SHROOM2: variants seen among roughly 807,000 people sequenced by gnomAD.
SHROOM2 encodes protein Shroom2.
SHROOM2 carries 33 observed loss-of-function variants against 75.9 expected under a neutral mutation model. The ratio of observed to expected loss-of-function variants is 0.43; its 90% confidence interval spans 0.33 to 0.58. SHROOM2 has a LOEUF of 0.58. SHROOM2 is among the 20% of genes least tolerant of loss of function. The pLI is 0.04. For synonymous variants in SHROOM2, 655 were observed against 663.6 expected, an observed-to-expected ratio of 0.99 and a Z score of 0.20; for missense variants, 1,434 against 1,461.2, an observed-to-expected ratio of 0.98 and a Z score of 0.30.
chrX:9,884,529 T>A (rs879183136), intron 2 of SHROOM2, among the ~76,000 whole-genome samples: 1 of 107,488 alleles, frequency 9.3e-6, no homozygotes, highest in East Asian at 2.9e-4. Flanking sequence ...AGAGATGGAG[T>A]CTTGCTCTGT....
intron 1 of SHROOM2, among the ~76,000 whole-genome samples, chrX:9,854,946 C>T (rs568827979): frequency 3.4e-4 from 38 of 110,551 alleles, no homozygotes; most frequent in African/African-American, 1.1e-3. Flanking sequence ...GGTGAGTCTG[C>T]GGCAGATGTT....
chrX:9,939,850 A>G (rs1167195631), intron 8 of SHROOM2, among the ~76,000 whole-genome samples: 2 of 111,399 alleles, frequency 1.8e-5, no homozygotes, highest in Non-Finnish European at 3.8e-5. Flanking sequence ...GCAGTGGCAC[A>G]CTCTCAGCTC....
intron 5 of SHROOM2, among the ~76,000 whole-genome samples, chrX:9,915,571 C>T (rs1029443051): frequency 1.3e-4 from 15 of 111,436 alleles, no homozygotes; most frequent in Admixed American, 1.1e-3. Flanking sequence ...AAAATTATTC[C>T]GTTAAAAAAA....
rs149780863 is a variant in SHROOM2, at chrX:9,940,599, A to G, written c.4311+1233A>G. On this transcript the variant is annotated intron_variant, in intron 8 of 9. Transcript: ENST00000380913. ...CAGCTCTCTATGGTGCTGATGACTC[A>G]GCGGTCCTGTTTTCCTGCTTGATTG... 5.2e-3 allele frequency among the ~76,000 whole-genome samples: 587 copies of G among 112,189 alleles called. 10 individuals are homozygous for G. The highest frequency in any genetic ancestry group is 0.018 in the African/African-American group (549 of 30,914).
chrX:9,868,814 A>G (rs2084156467), intron 1 of SHROOM2, among the ~76,000 whole-genome samples: 1 of 96,669 alleles, frequency 1.0e-5, no homozygotes, highest in African/African-American at 3.9e-5. Flanking sequence ...TCCTGGAATC[A>G]AGCGATCCTT....
chrX:9,873,934 TC>T (rs2084184916), intron 2 of SHROOM2, 131 bp downstream of exon 2: 2 of 657,892 alleles, frequency 3.0e-6, no homozygotes, highest in Non-Finnish European at 4.4e-6. Context: ...GAGTTATATG[TC>T]TCGGCCAAGC....
chrX:9,886,267 T>C (rs2147008582), intron 2 of SHROOM2, among the ~76,000 whole-genome samples: 1 of 112,431 alleles, frequency 8.9e-6, no homozygotes, highest in East Asian at 2.8e-4. Context: ...GGAGCCCTCT[T>C]CCATGCCATC....
At chrX:9,828,418 C>G (rs2083899320) in intron 1 of SHROOM2, among the ~76,000 whole-genome samples, 1 of 111,822 alleles carries the variant, frequency 8.9e-6, no homozygotes, top group African/African-American at 3.2e-5. Context: ...TAGACTTTCT[C>G]TTATCCATTC....
At chrX:9,806,294 A>G (rs2083751475) in intron 1 of SHROOM2, among the ~76,000 whole-genome samples, 1 of 110,649 alleles carries the variant, frequency 9.0e-6, no homozygotes, top group Non-Finnish European at 1.9e-5. Flanking sequence ...GGGGCCCATG[A>G]ACATGTTCTA....
chrX:9,817,373 A>G (rs762039400), intron 1 of SHROOM2, among the ~76,000 whole-genome samples: 2 of 110,318 alleles, frequency 1.8e-5, no homozygotes, highest in Non-Finnish European at 3.8e-5. Flanking sequence ...TAGGTTTACT[A>G]GTAAGTGCAC....
intron 5 of SHROOM2, among the ~76,000 whole-genome samples, chrX:9,901,383 A>G (rs779801175): frequency 8.9e-6 from 1 of 112,048 alleles, no homozygotes; most frequent in South Asian, 3.7e-4. Context: ...CTGCTTCTCC[A>G]TTCTACCTTT....
In SHROOM2 at chrX:9,939,319, G is replaced by A. The variant is rs754474795; in HGVS notation, c.4264G>A (p.Glu1422Lys). Residue 1422 changes from glutamate to lysine, a missense_variant, in exon 8 of 10, where the codon GAA (glutamate) becomes AAA (lysine). By Grantham distance (56) the Glu-to-Lys change is moderately conservative. Around this residue, in one of 3 missense-constraint regions of SHROOM2, gnomAD observed 1,340 missense variants for 1,338.3 expected, o/e 1.00. Coordinates refer to ENST00000380913, the MANE Select transcript of SHROOM2 (RefSeq NM_001649.4). ...MKDLQEQQEH[E>K]EDSGSDLDHD... ...GGACCTGCAGGAGCAGCAGGAGCAC[G>A]AAGAGGATTCGGGAAGCGACTTGGA... The A allele has an allele frequency of 2.6e-5, 32 of 1,209,062 alleles. No homozygotes were observed. The highest frequency in any genetic ancestry group is 5.3e-5 in the South Asian group (3 of 56,404).
At chrX:9,799,000 C>G (rs1192746526) in intron 1 of SHROOM2, among the ~76,000 whole-genome samples, 2 of 110,700 alleles carry the variant, frequency 1.8e-5, no homozygotes, top group African/African-American at 6.6e-5. Context: ...TCCACTCCCC[C>G]TCCTCATTTT....
intron 6 of SHROOM2, 105 bp downstream of exon 6, chrX:9,932,975 A>C: frequency 4.5e-5 from 29 of 637,749 alleles, no homozygotes; most frequent in Middle Eastern, 3.6e-4. Flanking sequence ...GCTTTAGCTC[A>C]AGGCGTTGGA....
chrX:9,938,368 A>G (rs1306102149), intron 7 of SHROOM2, among the ~76,000 whole-genome samples: 3 of 111,061 alleles, frequency 2.7e-5, no homozygotes, highest in African/African-American at 9.9e-5. Flanking sequence ...CCTGGACAAC[A>G]TGGCAAAACC....
intron 1 of SHROOM2, among the ~76,000 whole-genome samples, chrX:9,809,559 G>C (rs1409366529): frequency 2.7e-5 from 3 of 112,427 alleles, no homozygotes; most frequent in Non-Finnish European, 3.7e-5. Flanking sequence ...ACAATGGTAA[G>C]GTCATAATTA....
chrX:9,940,581 C>A (rs1160996757), intron 8 of SHROOM2, among the ~76,000 whole-genome samples: 1 of 112,135 alleles, frequency 8.9e-6, no homozygotes, highest in African/African-American at 3.2e-5. Context: ...TCCCAGCTCT[C>A]TATGGTGCTG....
intron 5 of SHROOM2, among the ~76,000 whole-genome samples, chrX:9,922,967 T>G (rs368895146): frequency 2.2e-4 from 24 of 111,467 alleles, no homozygotes; most frequent in African/African-American, 7.8e-4. Context: ...GGTTTCTAGT[T>G]TGCAAACTCC....
At chrX:9,900,045 C>T (rs186571026) in intron 5 of SHROOM2, among the ~76,000 whole-genome samples, 77 of 111,695 alleles carry the variant, frequency 6.9e-4, no homozygotes, top group African/African-American at 2.4e-3. Flanking sequence ...GTGAATGGCA[C>T]TGTCGATACT....
Sources: allele counts gnomAD v4.1 joint callset (sites outside exome capture counted in the v4.1 genomes callset), GRCh38; gene constraint gnomAD v4.1.1; regional missense constraint gnomAD v4.1.1; transcripts MANE v1.5; gene names NCBI Gene and HGNC (gene_info 2026-07-23, HGNC 2026-07-21).